Variants in PLEKHA8 observed in about 807,000 individuals in gnomAD.
PLEKHA8 encodes the protein pleckstrin homology domain-containing family A member 8.
A neutral mutation model predicts 68.2 loss-of-function variants in PLEKHA8; 36 were observed. That is an observed-to-expected ratio of 0.53 (90% confidence interval 0.40 to 0.70). PLEKHA8 has a LOEUF of 0.70. Ranked by LOEUF, PLEKHA8 falls within the 30% of genes least tolerant of loss-of-function variation. The probability of loss-of-function intolerance (pLI) is 0.00; values close to 1 mark genes in which losing one functional copy is unlikely to be tolerated. For synonymous variants in PLEKHA8, 211 were observed against 216.1 expected (o/e 0.98, Z 0.20); for missense variants, 505 against 615.4 (o/e 0.82, Z 1.90).
At chr7:30,057,538 A>G (rs1398928930) in intron 9 of PLEKHA8, among the ~76,000 whole-genome samples, 1 of 151,026 alleles carries the variant, frequency 6.6e-6, no homozygotes, top group East Asian at 1.9e-4. Context: ...GCTCACTGCA[A>G]CCTCCACCTC....
intron 13 of PLEKHA8, chr7:30,117,863 A>G (rs577031299): frequency 3.1e-6 from 2 of 644,920 alleles, no homozygotes; most frequent in African/African-American, 2.0e-5. Flanking sequence ...AAACAGAAGT[A>G]TAACTACACA....
At chr7:30,108,083 A>AAAC (rs1554281879) in intron 13 of PLEKHA8, among the ~76,000 whole-genome samples, 1 of 144,460 alleles carries the variant, frequency 6.9e-6, no homozygotes, top group Non-Finnish European at 1.5e-5. Context: ...AAAAAAAAAA[A>AAAC]AAAAAAAAAC....
intron 13 of PLEKHA8, among the ~76,000 whole-genome samples, chr7:30,101,876 C>T (rs1177481581): frequency 6.6e-6 from 1 of 152,042 alleles, no homozygotes; most frequent in Admixed American, 6.5e-5. Flanking sequence ...ATCTAAATAC[C>T]AGCAGGTAGA....
intron 13 of PLEKHA8, among the ~76,000 whole-genome samples, chr7:30,097,775 CT>C (rs1156937248): frequency 3.3e-5 from 5 of 152,316 alleles, no homozygotes; most frequent in African/African-American, 1.2e-4. Context: ...GTTCGAACTT[CT>C]TCCTTTAGCT....
chr7:30,053,861 C>T (rs1425593964), intron 7 of PLEKHA8, among the ~76,000 whole-genome samples: 1 of 152,180 alleles, frequency 6.6e-6, no homozygotes, highest in East Asian at 1.9e-4. Context: ...TCCTGCAAGA[C>T]TTTGGTCACA....
chr7:30,079,853 A>G lies in PLEKHA8; in HGVS notation c.*1066A>G, dbSNP rs147837252. ...TTGAAGAGCAACTAGATTAAATTCTAGTTTACAAAATTACCAGTTTTCTTC... is the reference window on the plus strand; with the variant it reads ...TTGAAGAGCAACTAGATTAAATTCTGGTTTACAAAATTACCAGTTTTCTTC... On this transcript the variant is annotated 3_prime_UTR_variant, in exon 14 of 14. Transcript: ENST00000449726. 3.9e-4 allele frequency: 373 copies of G among 958,446 alleles called. 2 individuals carry two copies. In the African/African-American group the frequency reaches 5.5e-3, roughly 14 times the overall value. The allele number at this position is 958,446 out of a possible 1,614,324, so 59.4% of individuals were successfully genotyped here. A position where few individuals can be genotyped will look rare whatever the true frequency, so the allele number is the denominator to read the frequency against.
intron 1 of PLEKHA8, among the ~76,000 whole-genome samples, chr7:30,043,122 C>T (rs1365512366): frequency 6.6e-6 from 1 of 152,170 alleles, no homozygotes; most frequent in African/African-American, 2.4e-5. Flanking sequence ...TCACCTCAAC[C>T]TCCTGCTGGG....
chr7:30,109,461 G>A (rs1219140433), intron 13 of PLEKHA8, among the ~76,000 whole-genome samples: 1 of 151,642 alleles, frequency 6.6e-6, no homozygotes, highest in African/African-American at 2.4e-5. Flanking sequence ...GGTGGTGGAT[G>A]CCTGTAATCC....
At position 30,043,299 on chromosome 7, in the gene PLEKHA8, G is replaced by A. The variant is rs75227315; in HGVS notation, c.41-1786G>A. 2.0e-5 allele frequency among the ~76,000 whole-genome samples: 3 copies of A among 152,098 alleles called. No individual in the cohort carries two copies. The East Asian group carries it at 5.8e-4, about 29-fold the overall frequency. On this transcript the variant is annotated intron_variant, in intron 1 of 13. Transcript: ENST00000449726. ...AGCTGTGAGCCACCGTGCCCTGCCAGCATCACCTTCTGAAATAAAAATTTA... is the reference window on the plus strand; with the variant it reads ...AGCTGTGAGCCACCGTGCCCTGCCAACATCACCTTCTGAAATAAAAATTTA...
chr7:30,042,818 TA>T (rs1791641808), intron 1 of PLEKHA8, among the ~76,000 whole-genome samples: 1 of 152,168 alleles, frequency 6.6e-6, no homozygotes, highest in African/African-American at 2.4e-5. Context: ...AAGATATAAA[TA>T]AACACTTTTG....
intron 9 of PLEKHA8, among the ~76,000 whole-genome samples, 185 bp from the exon 10 acceptor site, chr7:30,060,699 A>G (rs1171482767): frequency 6.6e-6 from 1 of 152,158 alleles, no homozygotes; most frequent in Admixed American, 6.5e-5. Flanking sequence ...CTCACCTTGG[A>G]GTAGTGTAAT....
chr7:30,094,975 A>G (rs1795550811), downstream of PLEKHA8, among the ~76,000 whole-genome samples: 1 of 152,136 alleles, frequency 6.6e-6, no homozygotes, highest in Admixed American at 6.5e-5. Flanking sequence ...GAATAGCGCT[A>G]CAATAAACAT....
At chr7:30,053,957 A>C (rs1472691657) in intron 7 of PLEKHA8, among the ~76,000 whole-genome samples, 1 of 152,210 alleles carries the variant, frequency 6.6e-6, no homozygotes, top group Non-Finnish European at 1.5e-5. Context: ...TTGATTCATT[A>C]ACATTGAACT....
Position 30,084,280 on chromosome 7 carries a change from G to A in PLEKHA8, c.*5493G>A. ...CCTAGTATTCTTATGAATGTTTGTGGTTTCATAGATTTATGCACTTTGAAT... is the reference window on the plus strand; with the variant it reads ...CCTAGTATTCTTATGAATGTTTGTGATTTCATAGATTTATGCACTTTGAAT... On this transcript the variant is annotated 3_prime_UTR_variant, in exon 14 of 14. Coordinates refer to ENST00000449726, the MANE Select transcript of PLEKHA8 (RefSeq NM_001197026.2). The A allele has an allele frequency of 1.0e-5, 10 of 985,288 alleles. No individual in the cohort carries two copies. Among genetic ancestry groups the A allele is most frequent in the Non-Finnish European group, 1.2e-5 (10 of 829,866 alleles). The allele number at this position is 985,288 out of a possible 1,614,324, so 61.0% of individuals were successfully genotyped here. A position where few individuals can be genotyped will look rare whatever the true frequency, so the allele number is the denominator to read the frequency against.
chr7:30,029,323 C>T (rs1203627070), intron 1 of PLEKHA8, among the ~76,000 whole-genome samples: 2 of 152,186 alleles, frequency 1.3e-5, no homozygotes, highest in Non-Finnish European at 2.9e-5. Context: ...TCAAGAGTCC[C>T]AACTCCACAG....
intron 12 of PLEKHA8, among the ~76,000 whole-genome samples, chr7:30,067,630 T>G (rs1793947340): frequency 2.0e-5 from 3 of 152,234 alleles, no homozygotes; most frequent in Non-Finnish European, 4.4e-5. Context: ...GCGTAGTTCA[T>G]TATGTAATAC....
At chr7:30,073,962 G>C (rs1794434991) in intron 12 of PLEKHA8, 109 bp from the exon 13 acceptor site, 1 of 825,856 alleles carries the variant, frequency 1.2e-6, no homozygotes. Flanking sequence ...CTCTAGCCTA[G>C]GTGACAGAGC....
chr7:30,055,159 C>T, intron 8 of PLEKHA8, 98 bp from the exon 9 acceptor site: 3 of 1,091,838 alleles, frequency 2.7e-6, no homozygotes, highest in South Asian at 1.3e-5. Context: ...ACGATTTGCC[C>T]TACAGAGAGG....
At chr7:30,115,634 A>G (rs1796426206) in intron 13 of PLEKHA8, among the ~76,000 whole-genome samples, 1 of 151,652 alleles carries the variant, frequency 6.6e-6, no homozygotes, top group African/African-American at 2.4e-5. Context: ...ACATGTACAC[A>G]TACATGCACA....
Sources: allele counts gnomAD v4.1 joint callset (sites outside exome capture counted in the v4.1 genomes callset), GRCh38; gene constraint gnomAD v4.1.1; transcripts MANE v1.5; gene names NCBI Gene and HGNC (gene_info 2026-07-23, HGNC 2026-07-21).